NOVA1: variants seen among roughly 807,000 people sequenced by gnomAD.
NOVA1 encodes the protein NOVA alternative splicing regulator 1.
A neutral mutation model predicts 38.0 loss-of-function variants in NOVA1; 7 were observed. That is an observed-to-expected ratio of 0.18 (90% CI 0.10 to 0.35). The LOEUF (loss-of-function observed/expected upper bound fraction) is 0.35. Among genes scored for constraint, NOVA1 ranks in the 10% least tolerant of loss-of-function variants. NOVA1 has a pLI of 1.00. For missense variants in NOVA1, 460 were observed against 616.0 expected (o/e 0.75, Z 2.68); for synonymous variants, 270 against 232.5 (o/e 1.16, Z -1.47).
intron 4 of NOVA1, among the ~76,000 whole-genome samples, chr14:26,466,730 GT>G (rs887962281): frequency 6.6e-6 from 1 of 152,128 alleles, no homozygotes; most frequent in African/African-American, 2.4e-5. Context: ...TTTGGGAGGT[GT>G]TTAATTCATG....
Position 26,448,961 on chromosome 14 carries a change from T to C in NOVA1, c.522A>G (p.Val174=), listed in dbSNP as rs1308169710. 6.3e-7 allele frequency: 1 copy of C among 1,593,144 alleles called. No homozygotes were observed. The highest frequency in any genetic ancestry group is 8.5e-7 in the Non-Finnish European group (1 of 1,169,896). ...CTGTGCTGTTGGGAACTATAATCTT[T>C]ACCTGTAATTAAAAAAAATACGTAT... ...DPMTTSRANQ[V]KIIVPNSTAG... Residue 174 remains valine (V), a splice_region_variant and synonymous_variant, in exon 5 of 5, where the codon GTA becomes GTG. Coordinates refer to ENST00000539517, the MANE Select transcript of NOVA1 (RefSeq NM_002515.3). This position sits in a 1 kb window ranked among gnomAD's most constrained non-coding sequence, Gnocchi z 5.3.
At chr14:26,591,337 C>T (rs1893830952) in intron 2 of NOVA1, among the ~76,000 whole-genome samples, 1 of 151,636 alleles carries the variant, frequency 6.6e-6, no homozygotes, top group Admixed American at 6.6e-5. Context: ...GTGTCAGCAA[C>T]TCTTTGATAA....
intron 4 of NOVA1, among the ~76,000 whole-genome samples, chr14:26,452,052 T>C (rs1209939689): frequency 6.6e-6 from 1 of 152,208 alleles, no homozygotes; most frequent in Non-Finnish European, 1.5e-5. Context: ...CTACCAAATT[T>C]AGAAAATTAA....
chr14:26,582,501 C>T (rs1273497910), intron 2 of NOVA1, among the ~76,000 whole-genome samples: 1 of 151,748 alleles, frequency 6.6e-6, no homozygotes, highest in Non-Finnish European at 1.5e-5. Context: ...CATAGAACCT[C>T]AAAGCTTTTC....
intron 2 of NOVA1, among the ~76,000 whole-genome samples, chr14:26,484,126 T>C (rs951719621): frequency 3.3e-5 from 5 of 152,164 alleles, no homozygotes; most frequent in Middle Eastern, 3.4e-3. Flanking sequence ...ACTGTTGATA[T>C]AGATGAAGGG....
intron 4 of NOVA1, among the ~76,000 whole-genome samples, chr14:26,451,084 A>C (rs999883979): frequency 6.6e-6 from 1 of 152,180 alleles, no homozygotes; most frequent in Non-Finnish European, 1.5e-5. Flanking sequence ...ACAGAAAAGG[A>C]TAATTATAGG....
intron 2 of NOVA1, among the ~76,000 whole-genome samples, chr14:26,480,916 ATAT>A (rs1167298253): frequency 2.6e-5 from 4 of 152,058 alleles, no homozygotes; most frequent in African/African-American, 7.2e-5. Flanking sequence ...TTTGTTAAAG[ATAT>A]TATTAATAGT....
At chr14:26,553,563 A>G (rs1219749263) in intron 2 of NOVA1, among the ~76,000 whole-genome samples, 2 of 151,966 alleles carry the variant, frequency 1.3e-5, no homozygotes, top group Non-Finnish European at 2.9e-5. Flanking sequence ...ATTTGAAGAG[A>G]GGGAGAAAAG....
intron 2 of NOVA1, among the ~76,000 whole-genome samples, chr14:26,546,425 G>T (rs1725934176): frequency 6.6e-6 from 1 of 152,074 alleles, no homozygotes; most frequent in African/African-American, 2.4e-5. Flanking sequence ...ATTTGAGAGG[G>T]ATATAAAAAT....
intron 2 of NOVA1, among the ~76,000 whole-genome samples, chr14:26,535,169 C>G (rs936446580): frequency 2.0e-5 from 3 of 152,060 alleles, no homozygotes. Flanking sequence ...AAATAAACAA[C>G]TAGTAATTGC....
At chr14:26,451,358 TTTTATTTA>T (rs983560162) in intron 4 of NOVA1, among the ~76,000 whole-genome samples, 1 of 152,026 alleles carries the variant, frequency 6.6e-6, no homozygotes, top group Non-Finnish European at 1.5e-5. Context: ...AACATTTTAT[TTTTATTTA>T]TTTATTTATT....
At chr14:26,503,180 C>T (rs537871831) in intron 2 of NOVA1, among the ~76,000 whole-genome samples, 1 of 151,922 alleles carries the variant, frequency 6.6e-6, no homozygotes, top group Non-Finnish European at 1.5e-5. Context: ...TAGATTGAAT[C>T]TAGTATTTAT....
Position 26,448,099 on chromosome 14 carries a change from C to G in NOVA1, c.1384G>C (p.Glu462Gln), listed in dbSNP as rs1172025106. Reference protein sequence around the residue: ...GARIQISKKGEFVPGTRNRKV... With the variant: ...GARIQISKKGQFVPGTRNRKV... ...CGATTCCTTGTGCCAGGTACGAATT[C>G]TCCTTTTTTGGAGATCTGTATCCTT... The change falls in exon 5 of 5, where the codon GAA becomes CAA. Residue 462 changes from glutamate (E) to glutamine (Q), a missense_variant. Glu to Gln is a conservative substitution (Grantham distance 29, BLOSUM62 2). Transcript: ENST00000539517. This position sits in a 1 kb window ranked among gnomAD's most constrained non-coding sequence, Gnocchi z 5.3. The G allele has an allele frequency of 6.2e-7, 1 of 1,614,172 alleles. No individual in the cohort carries two copies. Among genetic ancestry groups the G allele is most frequent in the Admixed American group, 1.7e-5 (1 of 60,020 alleles).
intron 4 of NOVA1, among the ~76,000 whole-genome samples, chr14:26,471,473 A>G (rs1260709126): frequency 1.3e-5 from 2 of 151,848 alleles, no homozygotes; most frequent in Non-Finnish European, 2.9e-5. Context: ...AAAATATTAA[A>G]GAAAATAACA....
At chr14:26,512,939 A>G (rs1023301096) in intron 2 of NOVA1, among the ~76,000 whole-genome samples, 1 of 152,028 alleles carries the variant, frequency 6.6e-6, no homozygotes, top group Non-Finnish European at 1.5e-5. Context: ...GTTACCTGCA[A>G]TTAATTTTCA....
intron 4 of NOVA1, among the ~76,000 whole-genome samples, chr14:26,458,441 A>T (rs1349602172): frequency 6.6e-6 from 1 of 152,134 alleles, no homozygotes; most frequent in Admixed American, 6.6e-5. Flanking sequence ...ATGCCCATCA[A>T]TGGTGGACTG....
chr14:26,531,964 A>ATGTG (rs1194962640), intron 2 of NOVA1, among the ~76,000 whole-genome samples: 2 of 152,320 alleles, frequency 1.3e-5, no homozygotes, highest in East Asian at 1.9e-4. Context: ...ATGAAAACCC[A>ATGTG]CTAAGAAAAC....
At chr14:26,531,429 C>T (rs1248854891) in intron 2 of NOVA1, among the ~76,000 whole-genome samples, 2 of 151,988 alleles carry the variant, frequency 1.3e-5, no homozygotes, top group African/African-American at 4.8e-5. Flanking sequence ...CCAACATGAA[C>T]AAACCCCGTC....
intron 2 of NOVA1, among the ~76,000 whole-genome samples, chr14:26,534,381 A>C (rs1016208330): frequency 3.9e-5 from 6 of 152,158 alleles, no homozygotes; most frequent in African/African-American, 1.4e-4. Flanking sequence ...ATTAGGAAAA[A>C]ATACCCGTCT....
Sources: allele counts gnomAD v4.1 joint callset (sites outside exome capture counted in the v4.1 genomes callset), GRCh38; gene constraint gnomAD v4.1.1; non-coding constraint Gnocchi (gnomAD v3.1); transcripts MANE v1.5; gene names NCBI Gene and HGNC (gene_info 2026-07-23, HGNC 2026-07-21).